The following SMOC1 variants were observed in gnomAD, a reference collection of about 807,000 sequenced individuals.
The protein encoded by SMOC1 is SPARC-related modular calcium-binding protein 1.
Under a neutral mutation model 56.3 loss-of-function variants are expected in SMOC1, and 22 were observed. The observed-to-expected ratio is 0.39, with a 90% CI of 0.28 to 0.56. The LOEUF (loss-of-function observed/expected upper bound fraction) is 0.56, where lower values mean the gene tolerates loss of function less well. Among genes scored for constraint, SMOC1 ranks in the 20% least tolerant of loss-of-function variants. The pLI is 0.61. For missense variants in SMOC1, 509 were observed against 565.4 expected (o/e 0.90, Z 1.01); for synonymous variants, 193 against 215.0 (o/e 0.90, Z 0.89).
intron 1 of SMOC1, among the ~76,000 whole-genome samples, chr14:69,904,889 C>T (rs1884365028): frequency 6.6e-6 from 1 of 152,188 alleles, no homozygotes; most frequent in South Asian, 2.1e-4. Flanking sequence ...AACATTGTTC[C>T]TCTTGAAGGT....
At chr14:69,964,939 C>A (rs1435162977) in intron 3 of SMOC1, among the ~76,000 whole-genome samples, 1 of 152,064 alleles carries the variant, frequency 6.6e-6, no homozygotes, top group African/African-American at 2.4e-5. Context: ...TCCACACTGC[C>A]CCTCTAAGAG....
chr14:69,891,280 AGGCTT>A (rs1161278647), intron 1 of SMOC1, among the ~76,000 whole-genome samples: 5 of 152,242 alleles, frequency 3.3e-5, no homozygotes, highest in Admixed American at 3.3e-4. Context: ...GACACATAGA[AGGCTT>A]GGATTGAATG....
intron 9 of SMOC1, 143 bp from the exon 10 acceptor site, chr14:70,013,243 C>T: frequency 1.3e-6 from 1 of 741,686 alleles, no homozygotes; most frequent in Non-Finnish European, 2.4e-6. Context: ...TTATGAGACT[C>T]ATCTGATCAG....
chr14:69,902,791 A>AT (rs1319524278), intron 1 of SMOC1, among the ~76,000 whole-genome samples: 44 of 151,642 alleles, frequency 2.9e-4, no homozygotes, highest in Middle Eastern at 3.4e-3. Context: ...TGGTTTTCGT[A>AT]TTTTTTTTGG....
At chr14:70,022,270 G>C (rs1414253752) in intron 10 of SMOC1, among the ~76,000 whole-genome samples, 1 of 152,254 alleles carries the variant, frequency 6.6e-6, no homozygotes, top group Non-Finnish European at 1.5e-5. Flanking sequence ...ATAGGAGACA[G>C]TTAAGTAAAT....
chr14:69,937,984 G>C (rs552148432), intron 1 of SMOC1, among the ~76,000 whole-genome samples: 1 of 152,238 alleles, frequency 6.6e-6, no homozygotes, highest in East Asian at 1.9e-4. Flanking sequence ...TCATTCCCAG[G>C]GCTTAGTGCT....
At chr14:69,957,152 A>T (rs1296506297) in intron 3 of SMOC1, among the ~76,000 whole-genome samples, 1 of 152,170 alleles carries the variant, frequency 6.6e-6, no homozygotes, top group Non-Finnish European at 1.5e-5. Context: ...TCTGCCAAGC[A>T]GTTGTCTGGT....
intron 1 of SMOC1, among the ~76,000 whole-genome samples, chr14:69,883,889 ATTTTTTTTTTTTT>A (rs34300667): frequency 9.0e-5 from 6 of 66,644 alleles, no homozygotes; most frequent in African/African-American, 2.1e-4. Flanking sequence ...GATGTTGAGC[ATTTTTTTTTTTTT>A]TTTTTTTTTT....
At chr14:69,927,369 G>A (rs1023048266) in intron 1 of SMOC1, among the ~76,000 whole-genome samples, 7 of 152,194 alleles carry the variant, frequency 4.6e-5, no homozygotes, top group Admixed American at 1.3e-4. Context: ...ATGGAGGATA[G>A]GGAGTAGGGC....
intron 1 of SMOC1, among the ~76,000 whole-genome samples, chr14:69,916,864 G>A (rs1196475999): frequency 6.6e-6 from 1 of 152,134 alleles, no homozygotes; most frequent in East Asian, 1.9e-4. Context: ...CTTGTCAGTT[G>A]GTTCTGTCCT....
chr14:69,990,666 T>A (rs1172961397), intron 5 of SMOC1, among the ~76,000 whole-genome samples: 1 of 152,218 alleles, frequency 6.6e-6, no homozygotes, highest in Non-Finnish European at 1.5e-5. Flanking sequence ...TCTGTGTTTA[T>A]TCTCCCTCAA....
chr14:70,029,355 A>T (rs1465787242), intron 11 of SMOC1, among the ~76,000 whole-genome samples: 1 of 152,188 alleles, frequency 6.6e-6, no homozygotes, highest in African/African-American at 2.4e-5. Context: ...TCGGGGAACC[A>T]AGACCTGGGA....
At chr14:69,944,043 T>C (rs1342758545) in intron 1 of SMOC1, among the ~76,000 whole-genome samples, 1 of 152,160 alleles carries the variant, frequency 6.6e-6, no homozygotes, top group African/African-American at 2.4e-5. Flanking sequence ...CAGCCTCGGT[T>C]TTCTCCTCAT....
At chr14:69,973,351 G>A (rs780896610) in intron 3 of SMOC1, among the ~76,000 whole-genome samples, 7 of 152,212 alleles carry the variant, frequency 4.6e-5, no homozygotes, top group Admixed American at 1.3e-4. Context: ...CAGGTTTCAC[G>A]TTGTTATCCC....
intron 11 of SMOC1, among the ~76,000 whole-genome samples, chr14:70,024,649 A>C (rs1028839766): frequency 6.6e-6 from 1 of 152,120 alleles, no homozygotes; most frequent in African/African-American, 2.4e-5. Flanking sequence ...GGAGGCAAGG[A>C]AACAGTTTTC....
At position 69,918,233 on chromosome 14, in the gene SMOC1, TA is replaced by T. The variant is rs200245194; in HGVS notation, c.100-33904del. On this transcript the variant is annotated intron_variant, in intron 1 of 11. Transcript: ENST00000361956. ...CCAGAACTTACCCTATATATATATA[TA>T]TATTTTTTTTTTGAGACAGGGTCTC... Among the ~76,000 whole-genome samples the T allele has an allele frequency of 3.4e-4, 42 of 123,018 alleles. 1 individual carries two copies. Among genetic ancestry groups the T allele is most frequent in the Admixed American group, 1.0e-3 (12 of 11,682 alleles). The allele number at this position is 123,018 out of a possible 152,430, so 80.7% of individuals were successfully genotyped here.
intron 1 of SMOC1, among the ~76,000 whole-genome samples, chr14:69,920,957 G>A (rs2169073): frequency 6.6e-6 from 1 of 152,204 alleles, no homozygotes; most frequent in Non-Finnish European, 1.5e-5. Context: ...ACCCTGCTCT[G>A]TGCTCCTTAG....
At chr14:69,949,729 G>A (rs766632933) in intron 1 of SMOC1, among the ~76,000 whole-genome samples, 6 of 152,160 alleles carry the variant, frequency 3.9e-5, no homozygotes, top group Admixed American at 6.5e-5. Flanking sequence ...AAGCAGGCCC[G>A]TGTGCCCCAC....
chr14:70,027,134 G>C (rs1885956558), intron 11 of SMOC1, among the ~76,000 whole-genome samples: 1 of 152,162 alleles, frequency 6.6e-6, no homozygotes, highest in African/African-American at 2.4e-5. Context: ...AAGCAGCCCA[G>C]AGCTAGAAGG....
Sources: gnomAD v4.1 joint callset for allele counts (sites outside exome capture counted in the v4.1 genomes callset) on GRCh38, gnomAD v4.1.1 for gene constraint, MANE v1.5 for transcripts, NCBI Gene and HGNC (gene_info 2026-07-23, HGNC 2026-07-21) for gene names.